The following N4BP2 variants were observed in gnomAD, a reference collection of about 807,000 sequenced individuals.
The protein encoded by N4BP2 is NEDD4-binding protein 2.
N4BP2 carries 91 observed loss-of-function variants against 152.8 expected under a neutral mutation model. The ratio of observed to expected loss-of-function variants is 0.60; its 90% CI spans 0.50 to 0.71. The LOEUF (loss-of-function observed/expected upper bound fraction) is 0.71, where lower values mean the gene tolerates loss of function less well. Ranked by LOEUF, N4BP2 falls within the 30% of genes least tolerant of loss-of-function variation. The pLI is 0.00. For missense variants in N4BP2, 1,923 were observed against 2,059.1 expected, an observed-to-expected ratio of 0.93 and a Z score of 1.28; for synonymous variants, 646 against 705.3, an observed-to-expected ratio of 0.92 and a Z score of 1.33.
chr4:40,149,160 A>G (rs1720900973), intron 16 of N4BP2, among the ~76,000 whole-genome samples: 1 of 152,268 alleles, frequency 6.6e-6, no homozygotes, highest in South Asian at 2.1e-4. Flanking sequence ...GGAAACTTGC[A>G]TATGAATGTC....
chr4:40,178,308 A>G, the N4BP2 span, among the ~76,000 whole-genome samples: 1 of 152,234 alleles, frequency 6.6e-6, no homozygotes, highest in Admixed American at 6.5e-5. Flanking sequence ...AAATGAATAA[A>G]TTGGAAAATA....
chr4:40,142,317 G>A (rs898516603), intron 14 of N4BP2: 7 of 317,844 alleles, frequency 2.2e-5, no homozygotes, highest in Middle Eastern at 4.8e-4. Context: ...CGGTGGTGGC[G>A]ACGGCTGGAG....
chr4:40,182,161 G>A, the N4BP2 span, among the ~76,000 whole-genome samples: 1 of 152,226 alleles, frequency 6.6e-6, no homozygotes, highest in Non-Finnish European at 1.5e-5. Flanking sequence ...TTGGGGGATA[G>A]TCAGCAGTCT....
intron 11 of N4BP2, 69 bp downstream of exon 11, chr4:40,124,274 C>G: frequency 8.6e-7 from 1 of 1,165,116 alleles, no homozygotes; most frequent in Non-Finnish European, 1.3e-6. Context: ...AATTTTAACT[C>G]ATTCTAAATT....
chr4:40,141,661 C>T (rs1451217391), intron 14 of N4BP2, among the ~76,000 whole-genome samples: 2 of 151,416 alleles, frequency 1.3e-5, no homozygotes, highest in African/African-American at 4.9e-5. Flanking sequence ...CAGGCAGAGA[C>T]GCTCCTCACT....
chr4:40,117,823 T>A, intron 7 of N4BP2, 46 bp from the exon 8 acceptor site: 2 of 1,512,018 alleles, frequency 1.3e-6, no homozygotes, highest in Non-Finnish European at 1.8e-6. Context: ...TTTAAAAACT[T>A]AATTATCAAT....
Position 40,092,520 on chromosome 4 carries a change from T to C in N4BP2, c.-114-4707T>C, listed in dbSNP as rs182366922. Among the ~76,000 whole-genome samples the C allele has an allele frequency of 3.9e-5, 6 of 152,256 alleles. No individual in the cohort carries two copies. The East Asian group carries it at 9.6e-4, about 24-fold the overall frequency. On this transcript the variant is annotated intron_variant, in intron 2 of 17. Coordinates refer to ENST00000261435, the MANE Select transcript of N4BP2 (RefSeq NM_018177.6). ...TGATGTTGGTAATTTCTGTCTTCTT[T>C]TTTCTTTGTCAGTCTTGCTAGTCTT...
the N4BP2 span, among the ~76,000 whole-genome samples, chr4:40,168,488 A>G: frequency 2.0e-5 from 3 of 152,156 alleles, no homozygotes; most frequent in African/African-American, 7.2e-5. Context: ...AGTGCCTATA[A>G]AAGACAATAT....
At chr4:40,168,944 T>C in the N4BP2 span, among the ~76,000 whole-genome samples, 1 of 152,046 alleles carries the variant, frequency 6.6e-6, no homozygotes, top group African/African-American at 2.4e-5. Flanking sequence ...CAAGTTGGTC[T>C]TGAACTCCTG....
At chr4:40,084,968 A>C (rs1200554262) in intron 2 of N4BP2, among the ~76,000 whole-genome samples, 1 of 139,506 alleles carries the variant, frequency 7.2e-6, no homozygotes, top group African/African-American at 2.7e-5. Flanking sequence ...GCTAGAATGC[A>C]GTGGTGCGAT....
At chr4:40,143,350 G>C (rs541933109) in intron 15 of N4BP2, among the ~76,000 whole-genome samples, 185 of 152,140 alleles carry the variant, frequency 1.2e-3, no homozygotes, top group African/African-American at 4.3e-3. Flanking sequence ...GTCTTGCTCT[G>C]TTGCCCAGGC....
intron 2 of N4BP2, among the ~76,000 whole-genome samples, chr4:40,079,241 G>A (rs1713106612): frequency 6.6e-6 from 1 of 151,648 alleles, no homozygotes; most frequent in Non-Finnish European, 1.5e-5. Context: ...TGCTTTTTTT[G>A]TATTGATGAT....
At chr4:40,062,102 G>A (rs1365035351) in intron 1 of N4BP2, among the ~76,000 whole-genome samples, 5 of 126,312 alleles carry the variant, frequency 4.0e-5, no homozygotes, top group African/African-American at 6.1e-5. Context: ...TTCTTGAGAC[G>A]GAGTCTCGCT....
intron 16 of N4BP2, 49 bp downstream of exon 16, chr4:40,144,849 T>G: frequency 6.8e-7 from 1 of 1,469,608 alleles, no homozygotes; most frequent in Non-Finnish European, 9.2e-7. Flanking sequence ...TGTCTTTGCT[T>G]ATATTGGTAT....
chr4:40,119,654 T>A (rs1192380656), intron 8 of N4BP2, among the ~76,000 whole-genome samples: 1 of 152,118 alleles, frequency 6.6e-6, no homozygotes, highest in Non-Finnish European at 1.5e-5. Flanking sequence ...AATTAACACC[T>A]AAACTGAAAA....
At chr4:40,160,761 A>G (rs950236900), downstream of N4BP2, among the ~76,000 whole-genome samples, 3 of 152,232 alleles carry the variant, frequency 2.0e-5, no homozygotes, top group Admixed American at 6.5e-5. Flanking sequence ...AAAACACTGC[A>G]TAGTTGATAA....
the N4BP2 span, among the ~76,000 whole-genome samples, chr4:40,171,396 G>T: frequency 4.9e-4 from 75 of 152,288 alleles, no homozygotes; most frequent in African/African-American, 1.8e-3. Flanking sequence ...CCAGGGTAAT[G>T]CTGTGTGGTG....
At chr4:40,137,109 C>A in intron 14 of N4BP2, 27 bp downstream of exon 14, 2 of 1,557,972 alleles carry the variant, frequency 1.3e-6, no homozygotes, top group Non-Finnish European at 1.7e-6. Flanking sequence ...TTTTTTTCTA[C>A]AAGGGTAGAT....
At chr4:40,089,302 G>A (rs924038113) in intron 2 of N4BP2, among the ~76,000 whole-genome samples, 4 of 152,044 alleles carry the variant, frequency 2.6e-5, no homozygotes, top group African/African-American at 9.7e-5. Flanking sequence ...ATAGATTTTA[G>A]ATATTAGTCC....
Sources: allele counts gnomAD v4.1 joint callset (sites outside exome capture counted in the v4.1 genomes callset), GRCh38; gene constraint gnomAD v4.1.1; transcripts MANE v1.5; gene names NCBI Gene and HGNC (gene_info 2026-07-23, HGNC 2026-07-21).